The following SV2B variants were observed in gnomAD, a reference collection of about 807,000 sequenced individuals.
The protein encoded by SV2B is solute carrier family 22 member B2.
Under a neutral mutation model 73.9 loss-of-function variants are expected in SV2B, and 41 were observed. The observed-to-expected ratio is 0.56, with a 90% CI of 0.43 to 0.72. SV2B has a LOEUF of 0.72. Among genes scored for constraint, SV2B ranks in the 30% least tolerant of loss-of-function variants. The pLI is 0.00. For missense variants in SV2B, 764 were observed against 857.8 expected, an observed-to-expected ratio of 0.89 and a Z score of 1.37; for synonymous variants, 314 against 314.2, an observed-to-expected ratio of 1.00 and a Z score of 0.01.
chr15:91,204,776 T>G (rs1184239588), intron 1 of SV2B, among the ~76,000 whole-genome samples: 2 of 152,112 alleles, frequency 1.3e-5, no homozygotes, highest in Non-Finnish European at 2.9e-5. Flanking sequence ...CAGACTGGTC[T>G]CAACCTCCTG....
At position 91,129,206 on chromosome 15, in the gene SV2B, G is replaced by A. The variant is rs768333030; in HGVS notation, c.-392+28843G>A. On this transcript the variant is annotated intron_variant, in intron 1 of 12. Coordinates refer to ENST00000394232, the MANE Select transcript of SV2B (RefSeq NM_001323032.3). This position sits in a 1 kb window ranked among gnomAD's most constrained non-coding sequence, Gnocchi z 5.1. ...TTAACATGCCCTGGGGTAGGTACAT[G>A]ACACATTACAGAAATGAGTAGGTCA... Among the ~76,000 whole-genome samples the A allele has an allele frequency of 2.4e-4, 37 of 152,328 alleles. No homozygotes were observed. Among genetic ancestry groups the A allele is most frequent in the Non-Finnish European group, 4.7e-4 (32 of 68,036 alleles).
intron 1 of SV2B, among the ~76,000 whole-genome samples, chr15:91,212,018 T>C (rs550304692): frequency 6.6e-6 from 1 of 152,294 alleles, no homozygotes; most frequent in Admixed American, 6.5e-5. Context: ...AAAAAATGCA[T>C]GTTGAAATGC....
At chr15:91,233,358 G>A (rs973618204) in intron 2 of SV2B, among the ~76,000 whole-genome samples, 1 of 152,170 alleles carries the variant, frequency 6.6e-6, no homozygotes, top group Non-Finnish European at 1.5e-5. Context: ...TGGACAAAGT[G>A]GGGGAAAGAA....
Position 91,265,468 on chromosome 15 carries a change from A to AT in SV2B, c.1009-1110dup, listed in dbSNP as rs2048067516. On this transcript the variant is annotated intron_variant, in intron 6 of 12. Transcript: ENST00000394232. The surrounding 1 kb of genome is among the most constrained non-coding windows in gnomAD (Gnocchi z 4.2). ...TCCCTAATCCCAAAGGAAGACTGTTATTTTCCCCAAGGAGCAAAGAAAGGA... is the reference window on the plus strand; with the variant it reads ...TCCCTAATCCCAAAGGAAGACTGTTATTTTTCCCCAAGGAGCAAAGAAAGGA... Among the ~76,000 whole-genome samples the AT allele has an allele frequency of 1.3e-5, 2 of 152,222 alleles. No individual in the cohort carries two copies. Among genetic ancestry groups the AT allele is most frequent in the African/African-American group, 4.8e-5 (2 of 41,460 alleles).
chr15:91,167,991 C>T (rs2043974769), intron 1 of SV2B, among the ~76,000 whole-genome samples: 1 of 152,036 alleles, frequency 6.6e-6, no homozygotes, highest in African/African-American at 2.4e-5. Context: ...TTGGTTTCAT[C>T]CCCAGATGTG....
chr15:91,164,580 T>C (rs1307994527), intron 1 of SV2B, among the ~76,000 whole-genome samples: 1 of 152,250 alleles, frequency 6.6e-6, no homozygotes, highest in Non-Finnish European at 1.5e-5. Context: ...AGAATTTCTT[T>C]ACATTAACAT....
rs1350942537 is a variant in SV2B at position 91,284,033 on chromosome 15, A to G, written c.1520A>G (p.His507Arg). 2 of 1,614,184 alleles carry G rather than the reference A, an allele frequency of 1.2e-6. No individual in the cohort carries two copies. The highest frequency in any genetic ancestry group is 1.7e-6 in the Non-Finnish European group (2 of 1,180,032). The change falls in exon 11 of 13, where the codon CAC (histidine) becomes CGC (arginine). Residue 507 changes from histidine (H) to arginine (R), a missense_variant. Physicochemically the swap from His to Arg is conservative, Grantham distance 29 (BLOSUM62 0). Coordinates refer to ENST00000394232, the MANE Select transcript of SV2B (RefSeq NM_001323032.3). This position sits in a 1 kb window ranked among gnomAD's most constrained non-coding sequence, Gnocchi z 4.5. The stretch of plus-strand genomic sequence containing the variant: ...CTTCTCTCCCCAGACCTCTACGAGC[A>G]CAAGTTCATCAACTGTCGGTTTATC... ...TIFYNTDLYE[H>R]KFINCRFINS...
At chr15:91,165,496 G>T (rs1160405481) in intron 1 of SV2B, among the ~76,000 whole-genome samples, 4 of 152,086 alleles carry the variant, frequency 2.6e-5, no homozygotes, top group African/African-American at 9.7e-5. Flanking sequence ...TATATGGCAG[G>T]CTGTGCATAG....
In SV2B at chr15:91,137,159, C is replaced by G. The variant is rs868579568; in HGVS notation, c.-392+36796C>G. On this transcript the variant is annotated intron_variant, in intron 1 of 12. Coordinates refer to ENST00000394232, the MANE Select transcript of SV2B (RefSeq NM_001323032.3). This position sits in a 1 kb window ranked among gnomAD's most constrained non-coding sequence, Gnocchi z 4.9. ...GGGCCAGGTCACATAACCTCCAAAT[C>G]CCATGTATTTTTTCATGGTTGTATA... 1.3e-5 allele frequency among the ~76,000 whole-genome samples: 2 copies of G among 152,086 alleles called. No individual in the cohort carries two copies. The highest frequency in any genetic ancestry group is 4.8e-5 in the African/African-American group (2 of 41,406).
In SV2B at chr15:91,224,971, G is replaced by T. The variant is rs60142094; in HGVS notation, c.-391-902G>T. On this transcript the variant is annotated intron_variant, in intron 1 of 12. Coordinates refer to ENST00000394232, the MANE Select transcript of SV2B (RefSeq NM_001323032.3). This position sits in a 1 kb window ranked among gnomAD's most constrained non-coding sequence, Gnocchi z 4.9. ...ACATTGCCTCCTGGTGTCCAGAATT[G>T]GAACTAGGGGAAAAAAAAGAAGCAA... Among the ~76,000 whole-genome samples, 762 of 152,164 alleles carry T rather than the reference G, an allele frequency of 5.0e-3. 6 individuals carry two copies. Among genetic ancestry groups the T allele is most frequent in the African/African-American group, 0.017 (724 of 41,502 alleles).
rs1256513863 is a variant in SV2B at position 91,141,983 on chromosome 15, A to G, written c.-392+41620A>G. ...GCACAAAGAGAGCAGGGAGGCAGAG[A>G]GGTAAGATACACGGCTTTGCAGGAA... On this transcript the variant is annotated intron_variant, in intron 1 of 12. Coordinates refer to ENST00000394232, the MANE Select transcript of SV2B (RefSeq NM_001323032.3). This position sits in a 1 kb window ranked among gnomAD's most constrained non-coding sequence, Gnocchi z 4.6. Among the ~76,000 whole-genome samples, 1 of 152,118 alleles carries G rather than the reference A, an allele frequency of 6.6e-6. No individual in the cohort carries two copies. The highest frequency in any genetic ancestry group is 6.5e-5 in the Admixed American group (1 of 15,280).
At position 91,268,356 on chromosome 15, in the gene SV2B, A is replaced by T; in HGVS notation, c.1209-85A>T. 7.6e-7 allele frequency: 1 copy of T among 1,324,460 alleles called. No homozygotes were observed. Among genetic ancestry groups the T allele is most frequent in the East Asian group, 2.4e-5 (1 of 41,108 alleles). 82.0% of individuals were successfully genotyped at this position (1,324,460 alleles called of 1,614,324 possible). On this transcript the variant is annotated intron_variant, in intron 8 of 12. Transcript: ENST00000394232. The surrounding 1 kb of genome is among the most constrained non-coding windows in gnomAD (Gnocchi z 4.4). ...AATTAATGTATTTTCAATGAGTTTG[A>T]TCTGCATCAAGTCAAGAGTGTAGAC...
intron 1 of SV2B, among the ~76,000 whole-genome samples, chr15:91,167,755 C>G (rs1053061800): frequency 6.6e-6 from 1 of 152,170 alleles, no homozygotes; most frequent in Admixed American, 6.5e-5. Flanking sequence ...AATTAGATAT[C>G]TTTGCAGGGG....
At chr15:91,291,211 T>C (rs1023907127) in intron 12 of SV2B, among the ~76,000 whole-genome samples, 1 of 151,410 alleles carries the variant, frequency 6.6e-6, no homozygotes, top group African/African-American at 2.4e-5. Flanking sequence ...CATAAAATAA[T>C]TCATTCAAAA....
At chr15:91,286,076 T>C (rs976866220) in intron 11 of SV2B, among the ~76,000 whole-genome samples, 1 of 152,216 alleles carries the variant, frequency 6.6e-6, no homozygotes, top group East Asian at 1.9e-4. Context: ...CTCTTGTGAA[T>C]GTCTCTGTTT....
At position 91,141,179 on chromosome 15, in the gene SV2B, T is replaced by G. The variant is rs1475785166; in HGVS notation, c.-392+40816T>G. ...CCCATTCCCACAGGATTTTCTTCGG[T>G]AGGTCTGCATTGAGGCCTGAGAAAC... On this transcript the variant is annotated intron_variant, in intron 1 of 12. Transcript: ENST00000394232. This position sits in a 1 kb window ranked among gnomAD's most constrained non-coding sequence, Gnocchi z 4.6. 6.6e-6 allele frequency among the ~76,000 whole-genome samples: 1 copy of G among 152,184 alleles called. No individual in the cohort carries two copies. The highest frequency in any genetic ancestry group is 2.4e-5 in the African/African-American group (1 of 41,438).
At position 91,290,195 on chromosome 15, in the gene SV2B, A is replaced by G. The variant is rs2048995303; in HGVS notation, c.1868+515A>G. ...TTAAAGGCATAGGATCAAGGCCATT[A>G]CTTAGTAATTGTTTTTCTTCGTGGA... On this transcript the variant is annotated intron_variant, in intron 12 of 12. Transcript: ENST00000394232. This position sits in a 1 kb window ranked among gnomAD's most constrained non-coding sequence, Gnocchi z 4.7. Among the ~76,000 whole-genome samples, 1 of 152,216 alleles carries G rather than the reference A, an allele frequency of 6.6e-6. No individual in the cohort carries two copies. Among genetic ancestry groups the G allele is most frequent in the South Asian group, 2.1e-4 (1 of 4,832 alleles).
chr15:91,127,403 A>AT (rs2042516822), intron 1 of SV2B, among the ~76,000 whole-genome samples: 1 of 151,630 alleles, frequency 6.6e-6, no homozygotes, highest in African/African-American at 2.4e-5. Context: ...GAACAAGCTC[A>AT]TTTTTGCCAT....
intron 1 of SV2B, among the ~76,000 whole-genome samples, chr15:91,178,641 A>G (rs1288512154): frequency 6.6e-6 from 1 of 151,738 alleles, no homozygotes; most frequent in Non-Finnish European, 1.5e-5. Context: ...GTGTCGAGAA[A>G]TTTATCCATT....
Sources: gnomAD v4.1 joint callset for allele counts (sites outside exome capture counted in the v4.1 genomes callset) on GRCh38, gnomAD v4.1.1 for gene constraint, Gnocchi (gnomAD v3.1) non-coding constraint, MANE v1.5 for transcripts, NCBI Gene and HGNC (gene_info 2026-07-23, HGNC 2026-07-21) for gene names.